Variants in PDGFB observed in about 807,000 individuals in gnomAD.
PDGFB encodes the protein platelet-derived growth factor subunit B.
Under a neutral mutation model 29.0 loss-of-function variants are expected in PDGFB, and 6 were observed. That is an observed-to-expected ratio of 0.21 (90% CI 0.11 to 0.41). The LOEUF is 0.41. Among genes scored for constraint, PDGFB ranks in the 10% least tolerant of loss-of-function variants. The pLI is 1.00. For missense variants in PDGFB, 299 were observed against 341.8 expected (o/e 0.87, Z 0.99); for synonymous variants, 144 against 140.8 (o/e 1.02, Z -0.16).
chr22:39,237,381 C>T (rs1932470328), intron 1 of PDGFB, among the ~76,000 whole-genome samples: 1 of 152,184 alleles, frequency 6.6e-6, no homozygotes, highest in Non-Finnish European at 1.5e-5. Context: ...ATGGAGCTTA[C>T]AACTCCGCCC....
chr22:39,223,738 T>C lies in PDGFB; in HGVS notation c.*1604A>G, dbSNP rs1425002358. On this transcript the variant is annotated 3_prime_UTR_variant, in exon 7 of 7. Coordinates refer to ENST00000331163, the MANE Select transcript of PDGFB (RefSeq NM_002608.4). Reference sequence around the variant, plus strand: ...TACAACTTTAAATACGGAATATAAATAAATTTTACATTTAAAAAATAAAAG... The same window carrying C: ...TACAACTTTAAATACGGAATATAAACAAATTTTACATTTAAAAAATAAAAG... 1 of 152,580 alleles carries C rather than the reference T, an allele frequency of 6.6e-6. No individual in the cohort carries two copies. The highest frequency in any genetic ancestry group is 1.5e-5 in the Non-Finnish European group (1 of 68,018). 9.5% of individuals were successfully genotyped at this position (152,580 alleles called of 1,614,324 possible).
intron 2 of PDGFB, 120 bp from the exon 3 acceptor site, chr22:39,233,644 C>T: frequency 3.3e-6 from 2 of 601,738 alleles, no homozygotes; most frequent in South Asian, 2.3e-5. Flanking sequence ...ACAGTCCCTC[C>T]TTCCAGCCCC....
At chr22:39,236,510 G>T (rs1388445920) in intron 1 of PDGFB, among the ~76,000 whole-genome samples, 2 of 152,230 alleles carry the variant, frequency 1.3e-5, no homozygotes, top group East Asian at 3.8e-4. Flanking sequence ...AAACCTGAAA[G>T]CTTACCCGTG....
intron 2 of PDGFB, 59 bp from the exon 3 acceptor site, chr22:39,233,583 C>A: frequency 8.0e-7 from 1 of 1,244,552 alleles, no homozygotes; most frequent in Non-Finnish European, 1.1e-6. Context: ...GGGCTCCCTC[C>A]GCCGGGGTGT....
intron 1 of PDGFB, among the ~76,000 whole-genome samples, chr22:39,237,724 G>A (rs1237524364): frequency 6.6e-6 from 1 of 152,218 alleles, no homozygotes; most frequent in African/African-American, 2.4e-5. Flanking sequence ...GTCAAACCCA[G>A]AACTGGCAGG....
In PDGFB at chr22:39,231,935, C is replaced by A. The variant is rs1395017585; in HGVS notation, c.251-108G>T. The A allele has an allele frequency of 3.4e-6, 3 of 895,454 alleles. No homozygotes were observed. The highest frequency in any genetic ancestry group is 5.1e-6 in the Non-Finnish European group (3 of 591,936). 55.5% of individuals were successfully genotyped at this position (895,454 alleles called of 1,614,324 possible). A position where few individuals can be genotyped will look rare whatever the true frequency, so the allele number is the denominator to read the frequency against. On this transcript the variant is annotated intron_variant, in intron 3 of 6. Coordinates refer to ENST00000331163, the MANE Select transcript of PDGFB (RefSeq NM_002608.4). This position sits in a 1 kb window ranked among gnomAD's most constrained non-coding sequence, Gnocchi z 4.3. The stretch of plus-strand genomic sequence containing the variant: ...CGGGACTGCTCTTTCTCACGCCCTT[C>A]AACCCCAGGGTTCAGGTTTCAAGTC...
rs755391525 is a variant in PDGFB at position 39,244,364 on chromosome 22, G to A, written c.-401C>T. 10 of 195,882 alleles carry A rather than the reference G, an allele frequency of 5.1e-5. No individual in the cohort carries two copies. Among genetic ancestry groups the A allele is most frequent in the Non-Finnish European group, 9.6e-5 (9 of 94,156 alleles). 12.1% of individuals were successfully genotyped at this position (195,882 alleles called of 1,614,324 possible). On this transcript the variant is annotated 5_prime_UTR_variant, in exon 1 of 7. Coordinates refer to ENST00000331163, the MANE Select transcript of PDGFB (RefSeq NM_002608.4). The surrounding 1 kb of genome is among the most constrained non-coding windows in gnomAD (Gnocchi z 4.5). ...GGTTCGTCTTCACTCGCCGGCTACA[G>A]GCGTTTTCCTCTGCCCGCCGGCTTA...
chr22:39,238,497 C>T (rs555438116), intron 1 of PDGFB, among the ~76,000 whole-genome samples: 7 of 152,160 alleles, frequency 4.6e-5, no homozygotes, highest in African/African-American at 7.2e-5. Flanking sequence ...ACAAGCCACA[C>T]GCTGAGAAAA....
rs1221093672 is a variant in PDGFB, at chr22:39,228,404, C to T, written c.601+1680G>A. Among the ~76,000 whole-genome samples, 6 of 151,442 alleles carry T rather than the reference C, an allele frequency of 4.0e-5. No homozygotes were observed. In the South Asian group the frequency reaches 8.3e-4, roughly 21 times the overall value. On this transcript the variant is annotated intron_variant, in intron 5 of 6. Coordinates refer to ENST00000331163, the MANE Select transcript of PDGFB (RefSeq NM_002608.4). ...AGGAGTTAGAGACCAGCCTGAGCAA[C>T]GAATCAAGACCTCATCTCTACAAAA...
rs777422531 is a variant in PDGFB at position 39,231,598 on chromosome 22, C to T, written c.456+24G>A. 2.9e-5 allele frequency: 44 copies of T among 1,515,430 alleles called. No homozygotes were observed. The highest frequency in any genetic ancestry group is 3.5e-5 in the Non-Finnish European group (40 of 1,127,846). The allele number at this position is 1,515,430 out of a possible 1,614,324, so 93.9% of individuals were successfully genotyped here. A position where few individuals can be genotyped will look rare whatever the true frequency, so the allele number is the denominator to read the frequency against. On this transcript the variant is annotated intron_variant, in intron 4 of 6. Transcript: ENST00000331163. The surrounding 1 kb of genome is among the most constrained non-coding windows in gnomAD (Gnocchi z 4.3). ...CTCCACCCACCACCGGGACCAGCCT[C>T]GGGGGGCCGCGGAGCCTACGCACCT... is the stretch of plus-strand genomic sequence containing the variant.
At chr22:39,241,020 G>A (rs997850660) in intron 1 of PDGFB, 4 of 862,202 alleles carry the variant, frequency 4.6e-6, no homozygotes, top group Middle Eastern at 3.3e-4. Flanking sequence ...CACCTCCAGG[G>A]CTCTGGGATT....
intron 1 of PDGFB, among the ~76,000 whole-genome samples, chr22:39,239,840 C>G (rs999082012): frequency 7.1e-6 from 1 of 140,838 alleles, no homozygotes; most frequent in African/African-American, 2.5e-5. Flanking sequence ...ACCCCACCCT[C>G]CTCCTGGGCC....
rs541341148 is a variant in PDGFB at position 39,242,790 on chromosome 22, CGGCGAGGTGCG to C, written c.63+1100_63+1110del. ...GCAGGGGCCGACCCTCCCCGGGAGC[CGGCGAGGTGCG>C]GGCGAGGTGCGGACTCCCGGCCGCA... On this transcript the variant is annotated intron_variant, in intron 1 of 6. Transcript: ENST00000331163. This position sits in a 1 kb window ranked among gnomAD's most constrained non-coding sequence, Gnocchi z 5.7. The C allele has an allele frequency of 1.3e-3, 310 of 231,014 alleles. 1 individual carries two copies. Among genetic ancestry groups the C allele is most frequent in the African/African-American group, 5.5e-3 (251 of 45,294 alleles). 14.3% of individuals were successfully genotyped at this position (231,014 alleles called of 1,614,324 possible). A position where few individuals can be genotyped will look rare whatever the true frequency, so the allele number is the denominator to read the frequency against.
Position 39,242,426 on chromosome 22 carries a change from G to C in PDGFB, c.63+1475C>G, listed in dbSNP as rs1184461958. Reference sequence around the variant, plus strand: ...CACGGCGAGGCGAGGCGGCAGCTGGGGCCGGCCGGCCACCCCCTCCCCAAC... The same window carrying C: ...CACGGCGAGGCGAGGCGGCAGCTGGCGCCGGCCGGCCACCCCCTCCCCAAC... On this transcript the variant is annotated intron_variant, in intron 1 of 6. Transcript: ENST00000331163. The surrounding 1 kb of genome is among the most constrained non-coding windows in gnomAD (Gnocchi z 5.7). The C allele has an allele frequency of 5.0e-6, 1 of 199,826 alleles. No homozygotes were observed. The highest frequency in any genetic ancestry group is 1.0e-5 in the Non-Finnish European group (1 of 97,316). The allele number at this position is 199,826 out of a possible 1,614,324, so 12.4% of individuals were successfully genotyped here.
intron 1 of PDGFB, among the ~76,000 whole-genome samples, chr22:39,238,045 G>C (rs537801446): frequency 1.3e-5 from 2 of 152,278 alleles, no homozygotes; most frequent in African/African-American, 4.8e-5. Context: ...AGATCTCCCT[G>C]CCCACTGGAG....
At chr22:39,239,673 A>G (rs1349662783) in intron 1 of PDGFB, among the ~76,000 whole-genome samples, 1 of 152,166 alleles carries the variant, frequency 6.6e-6, no homozygotes, top group Non-Finnish European at 1.5e-5. Context: ...CGTGGCGAGG[A>G]GGCAGCTGGG....
At chr22:39,228,355 G>A (rs576099587) in intron 5 of PDGFB, among the ~76,000 whole-genome samples, 3 of 152,160 alleles carry the variant, frequency 2.0e-5, no homozygotes, top group Non-Finnish European at 4.4e-5. Flanking sequence ...TTGGGAGGCT[G>A]AGGTGGGAGG....
At chr22:39,225,653 AAC>A (rs1159158277) in intron 6 of PDGFB, 40 bp downstream of exon 6, 3 of 1,559,228 alleles carry the variant, frequency 1.9e-6, no homozygotes, top group African/African-American at 2.7e-5. Flanking sequence ...CAGAGAAGAA[AAC>A]ACAGGATTCT....
intron 1 of PDGFB, among the ~76,000 whole-genome samples, chr22:39,240,561 G>A (rs1389020576): frequency 1.3e-5 from 2 of 152,074 alleles, no homozygotes; most frequent in African/African-American, 2.4e-5. Flanking sequence ...GGCTGCCCTC[G>A]GAGCAGAGCA....
Sources: allele counts gnomAD v4.1 joint callset (sites outside exome capture counted in the v4.1 genomes callset), GRCh38; gene constraint gnomAD v4.1.1; non-coding constraint Gnocchi (gnomAD v3.1); transcripts MANE v1.5; gene names NCBI Gene and HGNC (gene_info 2026-07-23, HGNC 2026-07-21).